The following GNB5 variants were observed in gnomAD, a reference collection of about 807,000 sequenced individuals.
The protein encoded by GNB5 is G protein subunit beta 5.
A neutral mutation model predicts 55.3 loss-of-function variants in GNB5; 37 were observed. That is an observed-to-expected ratio of 0.67 (90% CI 0.51 to 0.88). The LOEUF is 0.88. Ranked by LOEUF, GNB5 falls within the 40% of genes least tolerant of loss-of-function variation. The pLI, the probability that GNB5 is intolerant of heterozygous loss-of-function variation, is 0.00. For synonymous variants in GNB5, 219 were observed against 198.5 expected (o/e 1.10, Z -0.87); for missense variants, 476 against 515.3 (o/e 0.92, Z 0.74).
chr15:52,128,237 G>C lies in GNB5; in HGVS notation c.871C>G (p.Pro291Ala), dbSNP rs780362234. Residue 291 changes from proline (P) to alanine (A), a missense_variant, in exon 10 of 13, where the codon CCC (proline) becomes GCC (alanine). By Grantham distance (27) the Pro-to-Ala change is conservative. Coordinates refer to ENST00000261837, the MANE Select transcript of GNB5 (RefSeq NM_016194.4). The stretch of plus-strand genomic sequence containing the variant: ...CCTGAAGCAAAGGCATCTCCACTGG[G>C]GTAGTACCTGCAGAGAGAAAGTACT... ...ESDINSVRYYPSGDAFASGSD... is the reference protein window; with the variant it reads ...ESDINSVRYYASGDAFASGSD... 8 of 1,606,992 alleles carry C rather than the reference G, an allele frequency of 5.0e-6. No individual in the cohort carries two copies. In the South Asian group the frequency reaches 8.8e-5, roughly 18 times the overall value.
chr15:52,171,967 A>G (rs2034562154), intron 3 of GNB5, among the ~76,000 whole-genome samples: 1 of 152,304 alleles, frequency 6.6e-6, no homozygotes, highest in Middle Eastern at 3.4e-3. Context: ...GGACCTGGGA[A>G]TTGGAGTAAA....
intron 1 of GNB5, among the ~76,000 whole-genome samples, chr15:52,185,753 T>TTTTTATTATTATTATTA (rs1555409559): frequency 1.5e-5 from 2 of 136,724 alleles, no homozygotes; most frequent in African/African-American, 5.4e-5. Context: ...TATTCATCTT[T>TTTTTATTATTATTATTA]TTATTATTAT....
rs148733409 is a variant in GNB5 at position 52,176,932 on chromosome 15, C to T, written c.238+2836G>A. ...TAACCTGCAGCTGGACTCTGCCCTG[C>T]ATACTCCCCTCCAGACACACCTGCC... On this transcript the variant is annotated intron_variant, in intron 3 of 12. Transcript: ENST00000261837. Among the ~76,000 whole-genome samples, 50 of 152,172 alleles carry T rather than the reference C, an allele frequency of 3.3e-4. 1 individual carries two copies. The highest frequency in any genetic ancestry group is 1.1e-3 in the African/African-American group (47 of 41,532).
intron 2 of GNB5, among the ~76,000 whole-genome samples, chr15:52,183,960 C>T (rs993195911): frequency 6.6e-6 from 1 of 152,186 alleles, no homozygotes; most frequent in African/African-American, 2.4e-5. Context: ...AAGGCTTAGG[C>T]CCAAGGAGTA....
At chr15:52,190,055 A>G (rs1035922731) in intron 1 of GNB5, among the ~76,000 whole-genome samples, 1 of 152,054 alleles carries the variant, frequency 6.6e-6, no homozygotes, top group African/African-American at 2.4e-5. Flanking sequence ...ACACTGAAAT[A>G]TATGTTTTAA....
intron 1 of GNB5, among the ~76,000 whole-genome samples, chr15:52,186,293 A>C (rs1251808912): frequency 6.6e-6 from 1 of 152,202 alleles, no homozygotes; most frequent in African/African-American, 2.4e-5. Context: ...TGCTTGTAAC[A>C]AAGGCCAAAC....
intron 4 of GNB5, among the ~76,000 whole-genome samples, chr15:52,150,564 T>C (rs897816676): frequency 6.6e-6 from 1 of 152,176 alleles, no homozygotes; most frequent in Admixed American, 6.5e-5. Flanking sequence ...CAACATGCGA[T>C]ATGCACCCAT....
chr15:52,146,012 A>C (rs1220549540), intron 6 of GNB5, among the ~76,000 whole-genome samples: 1 of 138,202 alleles, frequency 7.2e-6, no homozygotes, highest in East Asian at 2.1e-4. Context: ...GCTGGAGTGC[A>C]GTGGCGCGAT....
intron 4 of GNB5, among the ~76,000 whole-genome samples, chr15:52,152,793 G>C (rs1408765173): frequency 6.6e-6 from 1 of 152,000 alleles, no homozygotes; most frequent in Non-Finnish European, 1.5e-5. Context: ...ACCATGCCCA[G>C]CTGATTCTGT....
At chr15:52,170,555 C>A (rs1188776444) in intron 3 of GNB5, among the ~76,000 whole-genome samples, 1 of 152,058 alleles carries the variant, frequency 6.6e-6, no homozygotes, top group African/African-American at 2.4e-5. Context: ...CTGTCAGGGG[C>A]ATAGCAGGAG....
chr15:52,178,789 G>A (rs748181647), intron 3 of GNB5, among the ~76,000 whole-genome samples: 1 of 152,134 alleles, frequency 6.6e-6, no homozygotes, highest in Non-Finnish European at 1.5e-5. Flanking sequence ...GCCCTAGCAC[G>A]AACCCCATTT....
chr15:52,129,246 G>A (rs537955532), intron 9 of GNB5, among the ~76,000 whole-genome samples: 1 of 152,192 alleles, frequency 6.6e-6, no homozygotes, highest in Admixed American at 6.5e-5. Context: ...GTGAGTCACC[G>A]CACCCACGCT....
rs1265558308 is a variant in GNB5 at position 52,116,436 on chromosome 15, T to C, written c.*6321A>G. 1 of 152,248 alleles carries C rather than the reference T, an allele frequency of 6.6e-6. No individual in the cohort carries two copies. The highest frequency in any genetic ancestry group is 1.5e-5 in the Non-Finnish European group (1 of 68,042). The allele number at this position is 152,248 out of a possible 1,614,324, so 9.4% of individuals were successfully genotyped here. On this transcript the variant is annotated 3_prime_UTR_variant, in exon 13 of 13. Transcript: ENST00000261837. ...AGAGGGTCTGCATCTTTTTTTCTGG[T>C]CCTATTTTTAAAAATAATGATCTTT...
intron 2 of GNB5, 83 bp from the exon 3 acceptor site, chr15:52,179,962 C>G: frequency 7.1e-7 from 1 of 1,399,110 alleles, no homozygotes; most frequent in Non-Finnish European, 9.3e-7. Flanking sequence ...GCAGCCGTCC[C>G]CGGCCCCGAG....
chr15:52,141,507 C>T lies in GNB5; in HGVS notation c.495-235G>A, dbSNP rs560257766. On this transcript the variant is annotated intron_variant, in intron 6 of 12. Coordinates refer to ENST00000261837, the MANE Select transcript of GNB5 (RefSeq NM_016194.4). ...GGTCTTGAACTCTTGGCCTCGAACT[C>T]GTGGCCTCAAGCAATCCTCCTTTGG... 2.6e-5 allele frequency among the ~76,000 whole-genome samples: 4 copies of T among 151,254 alleles called. No homozygotes were observed. The South Asian group carries it at 6.2e-4, about 24-fold the overall frequency.
At chr15:52,161,836 T>TA (rs555023401) in intron 3 of GNB5, among the ~76,000 whole-genome samples, 42 of 152,312 alleles carry the variant, frequency 2.8e-4, no homozygotes, top group African/African-American at 1.0e-3. Context: ...GGATGGCACT[T>TA]AGAGTTGGAT....
At chr15:52,156,044 C>T (rs1331990497) in intron 3 of GNB5, among the ~76,000 whole-genome samples, 3 of 152,218 alleles carry the variant, frequency 2.0e-5, no homozygotes, top group African/African-American at 7.2e-5. Context: ...CCATCCTTCC[C>T]TCTGCATTCA....
chr15:52,170,207 A>G (rs2034530761), intron 3 of GNB5, among the ~76,000 whole-genome samples: 1 of 152,234 alleles, frequency 6.6e-6, no homozygotes, highest in Non-Finnish European at 1.5e-5. Flanking sequence ...CAGCAATCCC[A>G]TTACTGGGTA....
intron 3 of GNB5, among the ~76,000 whole-genome samples, chr15:52,174,915 C>G (rs1052593422): frequency 3.3e-5 from 5 of 152,098 alleles, no homozygotes; most frequent in African/African-American, 1.2e-4. Flanking sequence ...AACCCCATCT[C>G]TCCTAAAAAT....
Sources: gnomAD v4.1 joint callset for allele counts (sites outside exome capture counted in the v4.1 genomes callset) on GRCh38, gnomAD v4.1.1 for gene constraint, MANE v1.5 for transcripts, NCBI Gene and HGNC (gene_info 2026-07-23, HGNC 2026-07-21) for gene names.